Variants in CHST4 observed in about 807,000 individuals in gnomAD.
CHST4 encodes carbohydrate sulfotransferase 4.
For missense variants in CHST4, 466 were observed against 506.0 expected (o/e 0.92, Z 0.76); for synonymous variants, 171 against 195.5 (o/e 0.87, Z 1.05).
intron 1 of CHST4, among the ~76,000 whole-genome samples, chr16:71,529,107 GT>G (rs397717246): frequency 0.016 from 2,198 of 135,922 alleles, 38 homozygotes; most frequent in African/African-American, 0.052. Context: ...TTTGTTTTTT[GT>G]TTTTTTTTTT....
At chr16:71,529,873 C>A (rs200070197) in intron 1 of CHST4, among the ~76,000 whole-genome samples, 2 of 152,150 alleles carry the variant, frequency 1.3e-5, no homozygotes, top group African/African-American at 4.8e-5. Flanking sequence ...GGGGGCTGGG[C>A]GCGGTGCTTC....
Position 71,537,026 on chromosome 16 carries a change from C to T in CHST4, c.349C>T (p.Pro117Ser). 6.2e-7 allele frequency: 1 copy of T among 1,614,088 alleles called. No individual in the cohort carries two copies. The highest frequency in any genetic ancestry group is 2.2e-5 in the East Asian group (1 of 44,876). Residue 117 changes from proline to serine, a missense_variant, in exon 2 of 2, where the codon CCC becomes TCC. Coordinates refer to ENST00000539698, the MANE Select transcript of CHST4 (RefSeq NM_001166395.2). This position sits in a 1 kb window ranked among gnomAD's most constrained non-coding sequence, Gnocchi z 4.2. ...CTTTGATGCCTACATGGAACCTGGTCCCCGGAGACAGTCCAGCCTCTTTCA... is the reference window on the plus strand; with the variant it reads ...CTTTGATGCCTACATGGAACCTGGTTCCCGGAGACAGTCCAGCCTCTTTCA... ...SVFDAYMEPG[P>S]RRQSSLFQWE... is the part of the protein sequence containing the mutation.
intron 1 of CHST4, among the ~76,000 whole-genome samples, chr16:71,533,633 G>A (rs1393279829): frequency 6.6e-6 from 1 of 152,054 alleles, no homozygotes; most frequent in Non-Finnish European, 1.5e-5. Context: ...CTTTCCTCTG[G>A]AAAAATACTA....
At chr16:71,534,803 A>AT (rs2043975684) in intron 1 of CHST4, among the ~76,000 whole-genome samples, 1 of 152,166 alleles carries the variant, frequency 6.6e-6, no homozygotes, top group Non-Finnish European at 1.5e-5. Flanking sequence ...TCTAGCCTCT[A>AT]TTTTTTACTA....
At chr16:71,527,333 G>A (rs1392046657) in intron 1 of CHST4, among the ~76,000 whole-genome samples, 2 of 152,184 alleles carry the variant, frequency 1.3e-5, no homozygotes, top group Non-Finnish European at 2.9e-5. Flanking sequence ...CCAAATATGA[G>A]TGACCATGGC....
rs544327014 is a variant in CHST4 at position 71,529,114 on chromosome 16, T to G, written c.-19+2619T>G. ...GTTTTGTTTTTGTTTTTTGTTTTTT[T>G]TTTTTTGCTTTTGCTTTGTTAGCCT... On this transcript the variant is annotated intron_variant, in intron 1 of 1. Coordinates refer to ENST00000539698, the MANE Select transcript of CHST4 (RefSeq NM_001166395.2). Among the ~76,000 whole-genome samples the G allele has an allele frequency of 5.3e-3, 812 of 152,010 alleles. 11 individuals are homozygous for G. The highest frequency in any genetic ancestry group is 0.019 in the African/African-American group (783 of 41,512).
chr16:71,537,034 A>G lies in CHST4; in HGVS notation c.357A>G (p.Arg119=), dbSNP rs542061755. 6.2e-7 allele frequency: 1 copy of G among 1,614,142 alleles called. No individual in the cohort carries two copies. Residue 119 remains arginine, a synonymous_variant, in exon 2 of 2, where the codon AGA becomes AGG. Transcript: ENST00000539698. This position sits in a 1 kb window ranked among gnomAD's most constrained non-coding sequence, Gnocchi z 4.2. ...CCTACATGGAACCTGGTCCCCGGAG[A>G]CAGTCCAGCCTCTTTCAGTGGGAGA... The part of the protein sequence containing the change: ...FDAYMEPGPR[R]QSSLFQWENS...
chr16:71,531,450 G>GCTA (rs1567581360), intron 1 of CHST4, among the ~76,000 whole-genome samples: 1 of 152,218 alleles, frequency 6.6e-6, no homozygotes, highest in Non-Finnish European at 1.5e-5. Context: ...CTTCACAAAA[G>GCTA]CTACGCTTTC....
chr16:71,537,746 C>T lies in CHST4; in HGVS notation c.1069C>T (p.Leu357=). The T allele has an allele frequency of 1.2e-6, 2 of 1,614,228 alleles. No individual in the cohort carries two copies. The highest frequency in any genetic ancestry group is 2.2e-5 in the South Asian group (2 of 91,092). Residue 357 remains leucine (L), a synonymous_variant, in exon 2 of 2, where the codon CTG becomes TTG. Coordinates refer to ENST00000539698, the MANE Select transcript of CHST4 (RefSeq NM_001166395.2). This position sits in a 1 kb window ranked among gnomAD's most constrained non-coding sequence, Gnocchi z 4.2. ...AGCCTGTGGCGATGCCATGAATTTG[C>T]TGGGCTACCGCCACGTCAGATCTGA... ...QKACGDAMNL[L]GYRHVRSEQE...
At chr16:71,531,405 G>A (rs2043947351) in intron 1 of CHST4, among the ~76,000 whole-genome samples, 1 of 152,218 alleles carries the variant, frequency 6.6e-6, no homozygotes, top group Admixed American at 6.5e-5. Context: ...AGATCCAGAT[G>A]TGTCTTGGGG....
chr16:71,530,273 G>A (rs1383330513), intron 1 of CHST4, among the ~76,000 whole-genome samples: 3 of 152,116 alleles, frequency 2.0e-5, no homozygotes, highest in Non-Finnish European at 4.4e-5. Flanking sequence ...AAAATCTCAG[G>A]GCTTTTAAAT....
Position 71,537,976 on chromosome 16 carries a change from T to A in CHST4, c.*138T>A. On this transcript the variant is annotated 3_prime_UTR_variant, in exon 2 of 2. Coordinates refer to ENST00000539698, the MANE Select transcript of CHST4 (RefSeq NM_001166395.2). The surrounding 1 kb of genome is among the most constrained non-coding windows in gnomAD (Gnocchi z 4.2). Reference sequence around the variant, plus strand: ...ACTGAGTGTGAGTTGTGTCCACACGTGCTCAAGCAGAAGGACTTTTGTGTC... The same window carrying A: ...ACTGAGTGTGAGTTGTGTCCACACGAGCTCAAGCAGAAGGACTTTTGTGTC... The A allele has an allele frequency of 1.3e-6, 1 of 769,230 alleles. No homozygotes were observed. The highest frequency in any genetic ancestry group is 1.9e-5 in the South Asian group (1 of 52,784). 47.7% of individuals were successfully genotyped at this position (769,230 alleles called of 1,614,324 possible).
intron 1 of CHST4, among the ~76,000 whole-genome samples, chr16:71,527,867 T>C (rs1597033729): frequency 6.6e-6 from 1 of 151,766 alleles, no homozygotes; most frequent in Non-Finnish European, 1.5e-5. Flanking sequence ...AGAGAATAGG[T>C]TGTAAAATGT....
In CHST4 at chr16:71,538,201, A is replaced by T. The variant is rs893447488; in HGVS notation, c.*363A>T. ...AACCTCCCTGTCCACATCTTGCCCA[A>T]TGGGGAATGGATCTTTCACCAAAGA... On this transcript the variant is annotated 3_prime_UTR_variant, in exon 2 of 2. Coordinates refer to ENST00000539698, the MANE Select transcript of CHST4 (RefSeq NM_001166395.2). 2 of 216,472 alleles carry T rather than the reference A, an allele frequency of 9.2e-6. No homozygotes were observed. Among genetic ancestry groups the T allele is most frequent in the African/African-American group, 4.6e-5 (2 of 43,102 alleles). 13.4% of individuals were successfully genotyped at this position (216,472 alleles called of 1,614,324 possible).
rs145974764 is a variant in CHST4, at chr16:71,536,908, C to A, written c.231C>A (p.His77Gln). The change falls in exon 2 of 2, where the codon CAC becomes CAA. Residue 77 changes from histidine to glutamine, a missense_variant. Transcript: ENST00000539698. ...TCTACCTGATGGAGCCCGCCTGGCA[C>A]GTGTGGATGACCTTCAAGCAGAGCA... ...DVFYLMEPAW[H>Q]VWMTFKQSTA... 7.5e-4 allele frequency: 1,200 copies of A among 1,603,168 alleles called. 6 individuals are homozygous for A. In the African/African-American group the frequency reaches 0.014, roughly 19 times the overall value.
At chr16:71,536,177 G>A (rs78417740) in intron 1 of CHST4, among the ~76,000 whole-genome samples, 2,324 of 152,258 alleles carry the variant, frequency 0.015, 27 homozygotes, top group Non-Finnish European at 0.025. Flanking sequence ...CCTTATGATG[G>A]AGGGATGGCT....
Position 71,537,390 on chromosome 16 carries a change from AG to A in CHST4, c.715del (p.Glu239ArgfsTer7). On this transcript the variant is annotated frameshift_variant, in exon 2 of 2. Transcript: ENST00000539698. LOFTEE classifies it low-confidence loss of function (END_TRUNC). The surrounding 1 kb of genome is among the most constrained non-coding windows in gnomAD (Gnocchi z 4.2). ...GGGCAGCATGAGCAAAAACTCAAGAAGGAGGACCAACCCTACTATGTGATGC... is the reference window on the plus strand; with the variant it reads ...GGGCAGCATGAGCAAAAACTCAAGAAGAGGACCAACCCTACTATGTGATGC... Reference protein sequence around the residue: ...VMGQHEQKLKKEDQPYYVMQV... With the variant: ...VMGQHEQKLKXEDQPYYVMQV... 1.9e-6 allele frequency: 3 copies of A among 1,614,134 alleles called. No homozygotes were observed. The highest frequency in any genetic ancestry group is 2.5e-6 in the Non-Finnish European group (3 of 1,180,034).
chr16:71,535,055 T>G (rs922441278), intron 1 of CHST4, among the ~76,000 whole-genome samples: 1 of 152,358 alleles, frequency 6.6e-6, no homozygotes, highest in East Asian at 1.9e-4. Context: ...TTGCAAAATG[T>G]TGCCATCAGT....
chr16:71,536,999 G>A lies in CHST4; in HGVS notation c.322G>A (p.Val108Ile), dbSNP rs746568465. The A allele has an allele frequency of 3.7e-5, 59 of 1,613,950 alleles. No homozygotes were observed. The highest frequency in any genetic ancestry group is 3.2e-4 in the Admixed American group (19 of 60,004). The stretch of plus-strand genomic sequence containing the variant: ...GGCCGTCTTCTTGTGCGACATGAGC[G>A]TCTTTGATGCCTACATGGAACCTGG... ...IRAVFLCDMS[V>I]FDAYMEPGPR... Residue 108 changes from valine to isoleucine, a missense_variant, in exon 2 of 2, where the codon GTC (valine) becomes ATC (isoleucine). Physicochemically the swap from Val to Ile is conservative, Grantham distance 29 (BLOSUM62 3). Coordinates refer to ENST00000539698, the MANE Select transcript of CHST4 (RefSeq NM_001166395.2).
Sources: allele counts gnomAD v4.1 joint callset (sites outside exome capture counted in the v4.1 genomes callset), GRCh38; gene constraint gnomAD v4.1.1; non-coding constraint Gnocchi (gnomAD v3.1); transcripts MANE v1.5; gene names NCBI Gene and HGNC (gene_info 2026-07-23, HGNC 2026-07-21).